RPSA2: variants seen among roughly 807,000 people sequenced by gnomAD.
RPSA2 encodes the protein ribosomal protein SA 2.
the RPSA2 span, among the ~76,000 whole-genome samples, chr19:23,868,823 A>T: frequency 6.6e-6 from 1 of 152,162 alleles, no homozygotes; most frequent in Non-Finnish European, 1.5e-5. Context: ...GGAGGAACCC[A>T]TGGTGGCCAA....
the RPSA2 span, among the ~76,000 whole-genome samples, chr19:23,870,055 CT>C: frequency 6.6e-6 from 1 of 152,184 alleles, no homozygotes; most frequent in Non-Finnish European, 1.5e-5. Context: ...GCTATGGATT[CT>C]CATTAATCTG....
At chr19:23,862,573 T>A in the RPSA2 span, among the ~76,000 whole-genome samples, 5 of 152,174 alleles carry the variant, frequency 3.3e-5, no homozygotes, top group East Asian at 1.9e-4. Context: ...ATTTATTGAG[T>A]GTTTTTAGCA....
the RPSA2 span, among the ~76,000 whole-genome samples, chr19:23,839,851 G>A: frequency 6.6e-6 from 1 of 152,188 alleles, no homozygotes; most frequent in African/African-American, 2.4e-5. Flanking sequence ...CCTCCAGGTA[G>A]TAAGGAGCTT....
the RPSA2 span, chr19:23,817,909 A>G: frequency 6.6e-6 from 1 of 152,230 alleles, no homozygotes; most frequent in Non-Finnish European, 1.5e-5. Context: ...TATCCAGAAC[A>G]GAGAAACTGG....
chr19:23,826,339 C>T, the RPSA2 span, among the ~76,000 whole-genome samples: 1 of 151,870 alleles, frequency 6.6e-6, no homozygotes, highest in Non-Finnish European at 1.5e-5. Flanking sequence ...ATTACAGGTG[C>T]CCATCACCAT....
At chr19:23,824,580 C>CTTTTTTTTTTTTTT in the RPSA2 span, among the ~76,000 whole-genome samples, 49 of 63,780 alleles carry the variant, frequency 7.7e-4, 6 homozygotes, top group African/African-American at 1.9e-3. Flanking sequence ...TATAGCATTT[C>CTTTTTTTTTTTTTT]TTTTTTTTTT....
At chr19:23,856,577 G>A in the RPSA2 span, among the ~76,000 whole-genome samples, 4 of 152,258 alleles carry the variant, frequency 2.6e-5, no homozygotes, top group East Asian at 3.9e-4. Context: ...AAAGGGAATC[G>A]GGTTCCCACA....
chr19:23,850,848 G>A, the RPSA2 span, among the ~76,000 whole-genome samples: 208 of 152,248 alleles, frequency 1.4e-3, 1 homozygote, highest in Middle Eastern at 3.4e-3. Context: ...TTGGGAATGG[G>A]GAGTGGTTAA....
At chr19:23,788,627 C>T in the RPSA2 span, among the ~76,000 whole-genome samples, 10 of 152,092 alleles carry the variant, frequency 6.6e-5, no homozygotes, top group Admixed American at 2.6e-4. Flanking sequence ...TGTGACTCTT[C>T]GTCAGCCTCT....
chr19:23,831,093 C>T, the RPSA2 span, among the ~76,000 whole-genome samples: 2 of 152,152 alleles, frequency 1.3e-5, no homozygotes, highest in South Asian at 4.2e-4. Context: ...TGCTGTCAGT[C>T]TGCTGCTCTA....
At chr19:23,801,300 C>T in the RPSA2 span, among the ~76,000 whole-genome samples, 3 of 139,932 alleles carry the variant, frequency 2.1e-5, no homozygotes, top group African/African-American at 8.0e-5. Context: ...AGTGCAGTGG[C>T]GTGATCTCGG....
chr19:23,842,311 C>T, the RPSA2 span, among the ~76,000 whole-genome samples: 3 of 152,116 alleles, frequency 2.0e-5, no homozygotes, highest in Admixed American at 6.5e-5. Context: ...AAGTTCTATG[C>T]CGTGTTATTC....
the RPSA2 span, among the ~76,000 whole-genome samples, chr19:23,821,408 T>C: frequency 2.0e-5 from 3 of 152,198 alleles, no homozygotes. Context: ...TAGTTAGACC[T>C]GGCAGTCCTA....
chr19:23,844,479 G>C, the RPSA2 span, among the ~76,000 whole-genome samples: 1 of 152,058 alleles, frequency 6.6e-6, no homozygotes. Context: ...TTGGCTATTT[G>C]TATGTCTTTA....
At chr19:23,852,637 G>T in the RPSA2 span, among the ~76,000 whole-genome samples, 1 of 152,108 alleles carries the variant, frequency 6.6e-6, no homozygotes, top group East Asian at 1.9e-4. Flanking sequence ...GGGTGGGCCA[G>T]GTGTTCCTTG....
chr19:23,845,330 C>T, the RPSA2 span, among the ~76,000 whole-genome samples: 1 of 147,466 alleles, frequency 6.8e-6, no homozygotes, highest in Non-Finnish European at 1.5e-5. Context: ...TTTCTAGTTC[C>T]TTGAAATATG....
chr19:23,779,127 A>G, the RPSA2 span, among the ~76,000 whole-genome samples: 2 of 145,146 alleles, frequency 1.4e-5, no homozygotes, highest in Non-Finnish European at 3.0e-5. Flanking sequence ...CAGCCTCCCA[A>G]GTAGCTGGGA....
chr19:23,840,516 T>C, the RPSA2 span, among the ~76,000 whole-genome samples: 7 of 152,160 alleles, frequency 4.6e-5, no homozygotes, highest in Admixed American at 4.6e-4. Flanking sequence ...CCATCAGCTC[T>C]ATGAATAACA....
the RPSA2 span, among the ~76,000 whole-genome samples, chr19:23,857,795 C>A: frequency 6.6e-6 from 1 of 151,884 alleles, no homozygotes; most frequent in Non-Finnish European, 1.5e-5. Flanking sequence ...GCACCTGGCC[C>A]TTTTTTAAAG....
Sources: gnomAD v4.1 joint callset for allele counts (sites outside exome capture counted in the v4.1 genomes callset) on GRCh38, gnomAD v4.1.1 for gene constraint, MANE v1.5 for transcripts, NCBI Gene and HGNC (gene_info 2026-07-23, HGNC 2026-07-21) for gene names.